The following MAF variants were observed in gnomAD, a reference collection of about 807,000 sequenced individuals.
MAF encodes the protein MAF bZIP transcription factor.
Under a neutral mutation model 22.0 loss-of-function variants are expected in MAF, and 10 were observed. The observed-to-expected ratio is 0.45, with a 90% CI of 0.28 to 0.77. The LOEUF is 0.77. MAF is among the 30% of genes least tolerant of loss of function. The pLI is 0.12. For missense variants in MAF, 544 were observed against 548.4 expected (o/e 0.99, Z 0.08); for synonymous variants, 337 against 255.8 (o/e 1.32, Z -3.03).
chr16:79,476,645 TTG>T, the MAF span, among the ~76,000 whole-genome samples: 2 of 152,076 alleles, frequency 1.3e-5, no homozygotes, highest in African/African-American at 4.8e-5. Flanking sequence ...CCTAAGAAAG[TTG>T]TGAGGGCGAA....
chr16:79,237,393 A>G, the MAF span, among the ~76,000 whole-genome samples: 1 of 152,106 alleles, frequency 6.6e-6, no homozygotes, highest in African/African-American at 2.4e-5. Flanking sequence ...AACAACTTAA[A>G]TGAACATATA....
the MAF span, among the ~76,000 whole-genome samples, chr16:79,222,067 A>G: frequency 6.6e-6 from 1 of 152,182 alleles, no homozygotes; most frequent in South Asian, 2.1e-4. Context: ...CTACCATGAA[A>G]TAACGTTGTG....
the MAF span, among the ~76,000 whole-genome samples, chr16:79,520,931 G>A: frequency 6.6e-6 from 1 of 152,136 alleles, no homozygotes; most frequent in Non-Finnish European, 1.5e-5. Context: ...TAGAAAGAAG[G>A]AGTTACCATC....
the MAF span, among the ~76,000 whole-genome samples, chr16:79,503,314 C>T: frequency 2.6e-5 from 4 of 152,130 alleles, no homozygotes; most frequent in Non-Finnish European, 4.4e-5. Context: ...CCTTGATATA[C>T]TAGCCACAAC....
At chr16:79,492,060 C>T in the MAF span, among the ~76,000 whole-genome samples, 1 of 152,110 alleles carries the variant, frequency 6.6e-6, no homozygotes, top group Non-Finnish European at 1.5e-5. Flanking sequence ...GACCATATTG[C>T]AAAGATCTCT....
the MAF span, among the ~76,000 whole-genome samples, chr16:79,244,839 A>G: frequency 6.6e-6 from 1 of 152,218 alleles, no homozygotes; most frequent in South Asian, 2.1e-4. Context: ...TACAGTAACA[A>G]AACAGCCTGG....
the MAF span, among the ~76,000 whole-genome samples, chr16:79,318,742 G>C: frequency 6.6e-6 from 1 of 152,172 alleles, no homozygotes; most frequent in Non-Finnish European, 1.5e-5. Flanking sequence ...GAATATCAAA[G>C]ATTGTGCCAT....
At chr16:79,299,958 C>G in the MAF span, among the ~76,000 whole-genome samples, 1 of 152,200 alleles carries the variant, frequency 6.6e-6, no homozygotes, top group Admixed American at 6.5e-5. Flanking sequence ...CTGGGCTTAG[C>G]TTGTCCACCT....
the MAF span, among the ~76,000 whole-genome samples, chr16:79,518,806 T>G: frequency 6.6e-6 from 1 of 152,082 alleles, no homozygotes; most frequent in Non-Finnish European, 1.5e-5. Context: ...ATGCCCATAA[T>G]CCCAGCCACT....
chr16:79,445,750 G>C, the MAF span, among the ~76,000 whole-genome samples: 1 of 152,346 alleles, frequency 6.6e-6, no homozygotes, highest in South Asian at 2.1e-4. Context: ...TCTCATCCAG[G>C]AGGTAGTTCT....
At chr16:79,512,867 C>T in the MAF span, among the ~76,000 whole-genome samples, 22 of 152,268 alleles carry the variant, frequency 1.4e-4, no homozygotes, top group South Asian at 6.2e-4. Context: ...AGCACAGCGC[C>T]GAAGACATTC....
the MAF span, among the ~76,000 whole-genome samples, chr16:79,282,992 A>G: frequency 6.6e-6 from 1 of 152,236 alleles, no homozygotes; most frequent in African/African-American, 2.4e-5. Context: ...TTACTCACAA[A>G]TAGTCAAAAC....
the MAF span, among the ~76,000 whole-genome samples, chr16:79,457,979 C>A: frequency 3.0e-4 from 46 of 152,064 alleles, no homozygotes; most frequent in Admixed American, 3.0e-3. Flanking sequence ...AACTCACAAC[C>A]TTTCTTATCT....
chr16:79,468,951 T>G, the MAF span, among the ~76,000 whole-genome samples: 104 of 152,252 alleles, frequency 6.8e-4, no homozygotes, highest in South Asian at 1.2e-3. Context: ...TCCTTTTTAA[T>G]AGCCATCTTC....
At chr16:79,343,913 C>A in the MAF span, among the ~76,000 whole-genome samples, 1 of 152,194 alleles carries the variant, frequency 6.6e-6, no homozygotes, top group Admixed American at 6.5e-5. Flanking sequence ...CAAAACTGGA[C>A]TTCCTAGGTG....
the MAF span, among the ~76,000 whole-genome samples, chr16:79,400,103 C>G: frequency 0.069 from 10,472 of 152,122 alleles, 526 homozygotes; most frequent in African/African-American, 0.14. Context: ...TTTGGTTGCT[C>G]CAGGACAGGG....
At chr16:79,277,608 C>T in the MAF span, among the ~76,000 whole-genome samples, 1 of 152,120 alleles carries the variant, frequency 6.6e-6, no homozygotes. Flanking sequence ...GAAAAAGAGC[C>T]ACCTACATTT....
At chr16:79,264,974 C>T in the MAF span, among the ~76,000 whole-genome samples, 2 of 152,140 alleles carry the variant, frequency 1.3e-5, no homozygotes, top group African/African-American at 2.4e-5. Flanking sequence ...AACCAGAACT[C>T]GCCTGTGACT....
chr16:79,434,435 C>G, the MAF span, among the ~76,000 whole-genome samples: 4 of 152,144 alleles, frequency 2.6e-5, no homozygotes, highest in Non-Finnish European at 1.5e-5. Flanking sequence ...AGTCAACCAG[C>G]TTTTGCAAAA....
Sources: allele counts gnomAD v4.1 joint callset (sites outside exome capture counted in the v4.1 genomes callset), GRCh38; gene constraint gnomAD v4.1.1; transcripts MANE v1.5; gene names NCBI Gene and HGNC (gene_info 2026-07-23, HGNC 2026-07-21).